Variants in PTPN2 observed in about 807,000 individuals in gnomAD.
PTPN2 encodes the protein tyrosine-protein phosphatase non-receptor type 2.
A neutral mutation model predicts 57.3 loss-of-function variants in PTPN2; 19 were observed. That is an observed-to-expected ratio of 0.33 (90% CI 0.23 to 0.49). PTPN2 has a LOEUF of 0.49. PTPN2 is among the 20% of genes least tolerant of loss of function. The pLI is 0.99. For synonymous variants in PTPN2, 153 were observed against 164.9 expected (o/e 0.93, Z 0.55); for missense variants, 358 against 501.1 (o/e 0.71, Z 2.73).
chr18:12,798,302 T>C (rs959082031), intron 8 of PTPN2, among the ~76,000 whole-genome samples: 4 of 152,196 alleles, frequency 2.6e-5, no homozygotes, highest in African/African-American at 9.7e-5. Context: ...TTGAAACTTG[T>C]GTCATCTCCG....
At chr18:12,816,770 G>T (rs964338105) in intron 6 of PTPN2, among the ~76,000 whole-genome samples, 1 of 152,166 alleles carries the variant, frequency 6.6e-6, no homozygotes, top group Non-Finnish European at 1.5e-5. Context: ...GGAACCCTGT[G>T]AAGTATGTCT....
At chr18:12,838,804 C>G (rs950688055) in intron 2 of PTPN2, among the ~76,000 whole-genome samples, 13 of 152,010 alleles carry the variant, frequency 8.6e-5, no homozygotes, top group African/African-American at 3.1e-4. Flanking sequence ...ATTTTCTTCT[C>G]AAGGCTGATT....
chr18:12,881,191 T>G (rs1459243745), intron 1 of PTPN2, among the ~76,000 whole-genome samples: 3 of 152,158 alleles, frequency 2.0e-5, no homozygotes, highest in Non-Finnish European at 4.4e-5. Flanking sequence ...TCCCAGCACT[T>G]TGAGAGGCCG....
rs557896522 is a variant in PTPN2 at position 12,840,606 on chromosome 18, A to G, written c.161-3715T>C. On this transcript the variant is annotated intron_variant, in intron 2 of 8. Coordinates refer to ENST00000309660, the MANE Select transcript of PTPN2 (RefSeq NM_002828.4). ...TCACAGCCCTATGAAGTGCATATGA[A>G]TATGGATCACACCCATCGCACTGTC... 39 of 1,264,674 alleles carry G rather than the reference A, an allele frequency of 3.1e-5. No homozygotes were observed. In the Admixed American group the frequency reaches 7.7e-4, roughly 25 times the overall value. The allele number at this position is 1,264,674 out of a possible 1,614,324, so 78.3% of individuals were successfully genotyped here. A position where few individuals can be genotyped will look rare whatever the true frequency, so the allele number is the denominator to read the frequency against.
At position 12,851,238 on chromosome 18, in the gene PTPN2, G is replaced by A. The variant is rs1264745517; in HGVS notation, c.160+7926C>T. On this transcript the variant is annotated intron_variant, in intron 2 of 8. Coordinates refer to ENST00000309660, the MANE Select transcript of PTPN2 (RefSeq NM_002828.4). ...CTCACGCCTGTAATCCCAGCACTTT[G>A]GGAGGCCGAGGCGGGTGGATCATGA... Among the ~76,000 whole-genome samples the A allele has an allele frequency of 6.7e-3, 59 of 8,750 alleles. 21 individuals carry two copies. The highest frequency in any genetic ancestry group is 0.011 in the Admixed American group (4 of 370). The allele number at this position is 8,750 out of a possible 152,430, so 5.7% of individuals were successfully genotyped here.
chr18:12,868,184 G>C (rs1235417867), intron 1 of PTPN2, among the ~76,000 whole-genome samples: 1 of 152,078 alleles, frequency 6.6e-6, no homozygotes, highest in African/African-American at 2.4e-5. Flanking sequence ...CCAGTGCATG[G>C]GATTACAAGA....
chr18:12,800,490 T>C (rs757368861), intron 8 of PTPN2, among the ~76,000 whole-genome samples: 16 of 152,162 alleles, frequency 1.1e-4, no homozygotes, highest in African/African-American at 3.1e-4. Flanking sequence ...AAAAAAATTA[T>C]GCTTTCTCTT....
intron 1 of PTPN2, among the ~76,000 whole-genome samples, chr18:12,873,351 T>C (rs1479731044): frequency 6.6e-6 from 1 of 151,272 alleles, no homozygotes; most frequent in Non-Finnish European, 1.5e-5. Context: ...GAAGCTGGAC[T>C]GTACTGCTGC....
chr18:12,855,693 C>T (rs1459145212), intron 2 of PTPN2, among the ~76,000 whole-genome samples: 1 of 152,124 alleles, frequency 6.6e-6, no homozygotes, highest in African/African-American at 2.4e-5. Context: ...AGCAAGGCAA[C>T]CCCAAGCCCA....
chr18:12,825,541 CCTCT>C (rs1441771291), intron 5 of PTPN2, among the ~76,000 whole-genome samples: 4 of 151,978 alleles, frequency 2.6e-5, no homozygotes, highest in South Asian at 2.1e-4. Flanking sequence ...ATTCTAAAGC[CCTCT>C]CTATTAATCC....
At chr18:12,881,448 G>A (rs2044665480) in intron 1 of PTPN2, among the ~76,000 whole-genome samples, 1 of 152,036 alleles carries the variant, frequency 6.6e-6, no homozygotes, top group Non-Finnish European at 1.5e-5. Context: ...AAAAAAAGAA[G>A]CAAATATGAT....
intron 6 of PTPN2, among the ~76,000 whole-genome samples, chr18:12,814,717 AC>A (rs1312123332): frequency 1.3e-5 from 2 of 151,958 alleles, no homozygotes. Context: ...GCAGGAGTCA[AC>A]CTTTCTGCTC....
In PTPN2 at chr18:12,793,924, C is replaced by T. The variant is rs891205510; in HGVS notation, c.*354G>A. On this transcript the variant is annotated 3_prime_UTR_variant, in exon 9 of 9. Coordinates refer to ENST00000309660, the MANE Select transcript of PTPN2 (RefSeq NM_002828.4). ...CAATATTTATTGCTTATATCAAGTG[C>T]AGGTTAAAATCCAGATAGCCTCCAA... 3 of 1,115,624 alleles carry T rather than the reference C, an allele frequency of 2.7e-6. No homozygotes were observed. Among genetic ancestry groups the T allele is most frequent in the Non-Finnish European group, 3.3e-6 (3 of 911,226 alleles). The allele number at this position is 1,115,624 out of a possible 1,614,324, so 69.1% of individuals were successfully genotyped here.
At chr18:12,804,000 T>C (rs1276960936) in intron 7 of PTPN2, among the ~76,000 whole-genome samples, 1 of 151,618 alleles carries the variant, frequency 6.6e-6, no homozygotes, top group Non-Finnish European at 1.5e-5. Flanking sequence ...TCTCAACAAA[T>C]TAAAAAAAGA....
chr18:12,873,926 T>C (rs1308406195), intron 1 of PTPN2, among the ~76,000 whole-genome samples: 11 of 148,152 alleles, frequency 7.4e-5, no homozygotes, highest in Non-Finnish European at 1.6e-4. Context: ...GAGGAGCGCC[T>C]CTGCCCGGTC....
Position 12,873,964 on chromosome 18 carries a change from T to C in PTPN2, c.69+10109A>G, listed in dbSNP as rs1165034354. Among the ~76,000 whole-genome samples, 4 of 146,860 alleles carry C rather than the reference T, an allele frequency of 2.7e-5. No individual in the cohort carries two copies. The East Asian group carries it at 6.2e-4, about 23-fold the overall frequency. ...GACCCCGTCTGGGAGGTGAGGAGCG[T>C]CTCTGCCCAGCCGCCCCATCTGAGA... On this transcript the variant is annotated intron_variant, in intron 1 of 8. Transcript: ENST00000309660.
At chr18:12,846,615 C>T (rs2043216386) in intron 2 of PTPN2, among the ~76,000 whole-genome samples, 1 of 152,292 alleles carries the variant, frequency 6.6e-6, no homozygotes, top group East Asian at 1.9e-4. Flanking sequence ...GCTATTCTTA[C>T]ACTTTCCCTG....
intron 2 of PTPN2, among the ~76,000 whole-genome samples, chr18:12,838,034 AC>A (rs1436860283): frequency 7.9e-5 from 12 of 152,114 alleles, no homozygotes; most frequent in Non-Finnish European, 1.5e-4. Context: ...TCACCCTTTA[AC>A]TGTTATATTA....
chr18:12,810,732 C>T (rs952499222), intron 7 of PTPN2, among the ~76,000 whole-genome samples: 10 of 152,100 alleles, frequency 6.6e-5, no homozygotes, highest in South Asian at 2.1e-4. Context: ...ATGGAAAACA[C>T]GCAAAGCTTG....
Sources: allele counts gnomAD v4.1 joint callset (sites outside exome capture counted in the v4.1 genomes callset), GRCh38; gene constraint gnomAD v4.1.1; transcripts MANE v1.5; gene names NCBI Gene and HGNC (gene_info 2026-07-23, HGNC 2026-07-21).